Variants in PDE8A observed in about 807,000 individuals in gnomAD.
PDE8A encodes the protein high affinity cAMP-specific and IBMX-insensitive 3',5'-cyclic phosphodiesterase 8A.
A neutral mutation model predicts 105.0 loss-of-function variants in PDE8A; 59 were observed. The ratio of observed to expected loss-of-function variants is 0.56; its 90% confidence interval spans 0.46 to 0.70. PDE8A has a LOEUF of 0.70. Ranked by LOEUF, PDE8A falls within the 30% of genes least tolerant of loss-of-function variation. PDE8A has a pLI of 0.00. For synonymous variants in PDE8A, 355 were observed against 371.9 expected (o/e 0.95, Z 0.52); for missense variants, 1,014 against 1,045.9 (o/e 0.97, Z 0.42).
At chr15:84,996,502 G>T (rs1029827997) in intron 1 of PDE8A, among the ~76,000 whole-genome samples, 1 of 151,956 alleles carries the variant, frequency 6.6e-6, no homozygotes, top group Non-Finnish European at 1.5e-5. Flanking sequence ...TCTAAACATA[G>T]AAAAAGTATA....
At chr15:85,066,505 A>C (rs1423713530) in intron 2 of PDE8A, among the ~76,000 whole-genome samples, 3 of 151,438 alleles carry the variant, frequency 2.0e-5, no homozygotes, top group Non-Finnish European at 4.4e-5. Context: ...TGGAGGTTGC[A>C]GTGAGCTGAC....
chr15:85,054,991 C>T (rs10412396), intron 1 of PDE8A, among the ~76,000 whole-genome samples: 13,475 of 152,116 alleles, frequency 0.089, 1,652 homozygotes, highest in African/African-American at 0.28. Flanking sequence ...AAATGTGTCC[C>T]AGAGATTCTG....
rs34715649 is a variant in PDE8A, at chr15:85,078,145, C to CAAAA, written c.546+1370_546+1373dup. Among the ~76,000 whole-genome samples, 268 of 120,032 alleles carry CAAAA rather than the reference C, an allele frequency of 2.2e-3. 6 individuals carry two copies. The highest frequency in any genetic ancestry group is 7.2e-3 in the African/African-American group (249 of 34,804). 78.7% of individuals were successfully genotyped at this position (120,032 alleles called of 152,430 possible). On this transcript the variant is annotated intron_variant, in intron 5 of 21. Transcript: ENST00000394553. ...AAGAGGACACATCCTAGTGAAACTG[C>CAAAA]AAAAAAAAAAAAAAAGAAAAGGACT...
chr15:85,014,980 C>G (rs1264368821), intron 1 of PDE8A, among the ~76,000 whole-genome samples: 1 of 152,186 alleles, frequency 6.6e-6, no homozygotes, highest in Non-Finnish European at 1.5e-5. Context: ...TATTTTCTGT[C>G]TCTCTGAATT....
At position 85,113,880 on chromosome 15, in the gene PDE8A, A is replaced by G. The variant is rs775517025; in HGVS notation, c.1193A>G (p.Asn398Ser). Residue 398 changes from asparagine (N) to serine (S), a missense_variant, in exon 14 of 22, where the codon AAT becomes AGT. Transcript: ENST00000394553. ...TIEAPITKVI[N>S]IINAAQESSP... ...TTTCTTTCCATAATGTAGGTAATCA[A>G]TATTATCAATGCTGCCCAGGAAAGT... The G allele has an allele frequency of 4.3e-5, 70 of 1,610,108 alleles. No homozygotes were observed. The highest frequency in any genetic ancestry group is 2.1e-4 in the South Asian group (19 of 90,406).
intron 8 of PDE8A, among the ~76,000 whole-genome samples, chr15:85,093,046 C>G (rs2081674037): frequency 6.6e-6 from 1 of 151,862 alleles, no homozygotes; most frequent in Non-Finnish European, 1.5e-5. Flanking sequence ...GTTGCTGGGA[C>G]CACGGGCACA....
intron 1 of PDE8A, among the ~76,000 whole-genome samples, chr15:85,048,650 C>A (rs575789721): frequency 8.5e-5 from 13 of 152,190 alleles, no homozygotes; most frequent in Non-Finnish European, 1.9e-4. Flanking sequence ...TTCATTTGCT[C>A]ATTGCTTTAA....
chr15:85,108,284 A>C (rs545409899), intron 11 of PDE8A, among the ~76,000 whole-genome samples: 60 of 152,358 alleles, frequency 3.9e-4, no homozygotes, highest in Non-Finnish European at 6.0e-4. Flanking sequence ...TGAGGAAGCC[A>C]AGACAAGGCA....
intron 1 of PDE8A, among the ~76,000 whole-genome samples, chr15:85,024,601 C>G (rs760898606): frequency 1.3e-5 from 2 of 151,500 alleles, no homozygotes; most frequent in Non-Finnish European, 2.9e-5. Context: ...CTTTTTGTTA[C>G]ATTAACTTCC....
chr15:85,114,543 G>T (rs969113099), intron 14 of PDE8A, among the ~76,000 whole-genome samples: 1 of 152,124 alleles, frequency 6.6e-6, no homozygotes, highest in African/African-American at 2.4e-5. Context: ...ACTCTTGAGG[G>T]GTCCTGGATG....
At position 85,024,215 on chromosome 15, in the gene PDE8A, G is replaced by A. The variant is rs145745183; in HGVS notation, c.187-40155G>A. The stretch of plus-strand genomic sequence containing the variant: ...CTTATGCTTATCTCTAACTTAGCAG[G>A]TATCATACCATATCATCGTCTGCTG... On this transcript the variant is annotated intron_variant, in intron 1 of 21. Transcript: ENST00000394553. 1.6e-3 allele frequency among the ~76,000 whole-genome samples: 234 copies of A among 149,304 alleles called. 2 individuals are homozygous for A. The highest frequency in any genetic ancestry group is 5.4e-3 in the African/African-American group (223 of 41,406).
chr15:85,097,087 G>GT (rs1221822294), intron 8 of PDE8A, among the ~76,000 whole-genome samples: 1 of 152,210 alleles, frequency 6.6e-6, no homozygotes, highest in Non-Finnish European at 1.5e-5. Flanking sequence ...AGGGACTCTG[G>GT]AAGGCTAAGA....
intron 3 of PDE8A, 151 bp downstream of exon 3, chr15:85,067,355 C>A: frequency 1.9e-6 from 1 of 531,232 alleles, no homozygotes; most frequent in Non-Finnish European, 3.3e-6. Flanking sequence ...ATTTATAGGA[C>A]TGATGCATAT....
intron 20 of PDE8A, 27 bp downstream of exon 20, chr15:85,126,401 TAGAG>T (rs534070610): frequency 4.7e-6 from 7 of 1,475,612 alleles, no homozygotes; most frequent in Non-Finnish European, 5.5e-6. Flanking sequence ...TTTAAGTTTC[TAGAG>T]AGAGAGAGAG....
intron 1 of PDE8A, among the ~76,000 whole-genome samples, chr15:85,061,375 A>G (rs1040970746): frequency 1.3e-5 from 2 of 151,858 alleles, no homozygotes; most frequent in African/African-American, 4.8e-5. Context: ...CTGGGATTAC[A>G]GGCACCCGCC....
chr15:85,092,719 A>G (rs905852685), intron 8 of PDE8A, among the ~76,000 whole-genome samples: 1 of 152,056 alleles, frequency 6.6e-6, no homozygotes, highest in African/African-American at 2.4e-5. Flanking sequence ...AAGTAGAGGT[A>G]AGGAAGGGAT....
At chr15:85,031,985 C>T (rs2080623549) in intron 1 of PDE8A, among the ~76,000 whole-genome samples, 1 of 152,174 alleles carries the variant, frequency 6.6e-6, no homozygotes, top group African/African-American at 2.4e-5. Flanking sequence ...CTGGCACACA[C>T]CAGTGCTTTG....
chr15:85,102,145 G>A (rs1312647147), intron 11 of PDE8A, among the ~76,000 whole-genome samples: 1 of 152,014 alleles, frequency 6.6e-6, no homozygotes, highest in East Asian at 1.9e-4. Flanking sequence ...GGAGAGGAGG[G>A]GTGAGGTGGA....
chr15:85,058,573 C>G (rs1305540101), intron 1 of PDE8A, among the ~76,000 whole-genome samples: 1 of 152,130 alleles, frequency 6.6e-6, no homozygotes, highest in Non-Finnish European at 1.5e-5. Context: ...CTGATTCAGT[C>G]TCCTTACTAG....
Sources: allele counts gnomAD v4.1 joint callset (sites outside exome capture counted in the v4.1 genomes callset), GRCh38; gene constraint gnomAD v4.1.1; transcripts MANE v1.5; gene names NCBI Gene and HGNC (gene_info 2026-07-23, HGNC 2026-07-21).